FAM20C: variants seen among roughly 807,000 people sequenced by gnomAD.
FAM20C encodes extracellular serine/threonine protein kinase FAM20C.
In FAM20C, 40 loss-of-function variants were observed where a neutral mutation model predicts 51.5. The ratio of observed to expected loss-of-function variants is 0.78; its 90% confidence interval spans 0.60 to 1.01. FAM20C has a LOEUF of 1.01. Ranked by LOEUF, FAM20C falls within the 50% of genes least tolerant of loss-of-function variation. The pLI is 0.00. For synonymous variants in FAM20C, 406 were observed against 380.6 expected, an observed-to-expected ratio of 1.07 and a Z score of -0.78; for missense variants, 861 against 844.7, an observed-to-expected ratio of 1.02 and a Z score of -0.24.
At chr7:214,247 C>G (rs1356959725) in intron 3 of FAM20C, among the ~76,000 whole-genome samples, 1 of 152,102 alleles carries the variant, frequency 6.6e-6, no homozygotes, top group East Asian at 1.9e-4. Context: ...ATCGCTTGAA[C>G]CCGGGAGGCG....
chr7:251,974 C>T (rs576124842), intron 5 of FAM20C, among the ~76,000 whole-genome samples: 4 of 152,210 alleles, frequency 2.6e-5, no homozygotes, highest in Admixed American at 6.5e-5. Flanking sequence ...ACTCCAGCCG[C>T]GCTGCCCTGT....
At chr7:211,653 G>T (rs1312303926) in intron 3 of FAM20C, among the ~76,000 whole-genome samples, 1 of 152,152 alleles carries the variant, frequency 6.6e-6, no homozygotes, top group Non-Finnish European at 1.5e-5. Flanking sequence ...GCAGGGCTGT[G>T]CTGTCACCCG....
chr7:208,823 G>A, intron 2 of FAM20C, 75 bp from the exon 3 acceptor site: 1 of 1,462,240 alleles, frequency 6.8e-7, no homozygotes, highest in Non-Finnish European at 9.3e-7. Context: ...TTGCAGCCAA[G>A]AGCCCTCGTC....
chr7:253,091 G>A (rs942227443), intron 5 of FAM20C, among the ~76,000 whole-genome samples: 14 of 152,180 alleles, frequency 9.2e-5, no homozygotes, highest in Admixed American at 2.6e-4. Context: ...TGGGCAGGGC[G>A]GTCCTCAGGA....
rs1164723525 is a variant in FAM20C, at chr7:258,604, C to T, written c.1446-42C>T. On this transcript the variant is annotated intron_variant, in intron 8 of 9. Transcript: ENST00000313766. ...CCCAGCCCAGCAGCCTGTTAGGAAC[C>T]TTGTACAGGGGCCCTTGACAATTCT... 5.2e-6 allele frequency: 8 copies of T among 1,533,982 alleles called. No homozygotes were observed. In the East Asian group the frequency reaches 1.2e-4, roughly 23 times the overall value.
chr7:236,740 G>A (rs1296495875), intron 3 of FAM20C, among the ~76,000 whole-genome samples: 1 of 150,934 alleles, frequency 6.6e-6, no homozygotes, highest in African/African-American at 2.5e-5. Context: ...GGAATCTGGG[G>A]TCCCGGTGGC....
Position 257,051 on chromosome 7 carries a change from T to C in FAM20C, c.1410T>C (p.Asn470=), listed in dbSNP as rs948387893. The C allele has an allele frequency of 5.5e-5, 84 of 1,536,994 alleles. No homozygotes were observed. The highest frequency in any genetic ancestry group is 7.1e-5 in the Non-Finnish European group (81 of 1,146,896). The change falls in exon 8 of 10, where the codon AAT becomes AAC. Residue 470 remains asparagine (N), a synonymous_variant. Coordinates refer to ENST00000313766, the MANE Select transcript of FAM20C (RefSeq NM_020223.4). The stretch of plus-strand genomic sequence containing the variant: ...ACGAGACTTTTGAGAAGTTTGGGAA[T>C]GAAACGTTCATCATCCACTTAGACA... ...HHYETFEKFG[N]ETFIIHLDNG...
intron 5 of FAM20C, among the ~76,000 whole-genome samples, chr7:251,243 ACTGAGTGGCCGGGCACGGTGGCTCACACG>A (rs1788392780): frequency 1.6e-5 from 2 of 127,402 alleles, no homozygotes; most frequent in South Asian, 2.5e-4. Flanking sequence ...TCACGCCTGC[ACTGAGTGGCCGGGCACGGTGGCTCACACG>A]CCTGCAATCC....
chr7:207,120 C>T lies in FAM20C; in HGVS notation c.785-1778C>T, dbSNP rs1786448700. On this transcript the variant is annotated intron_variant, in intron 2 of 9. Coordinates refer to ENST00000313766, the MANE Select transcript of FAM20C (RefSeq NM_020223.4). ...TGTCCCCTCGGCCCCGCACACGTGT[C>T]CACTGTGACGCGTCGGTCACTGTCC... Among the ~76,000 whole-genome samples, 3 of 22,782 alleles carry T rather than the reference C, an allele frequency of 1.3e-4. 1 individual carries two copies. The highest frequency in any genetic ancestry group is 5.5e-4 in the African/African-American group (3 of 5,478). The allele number at this position is 22,782 out of a possible 152,430, so 14.9% of individuals were successfully genotyped here. A position where few individuals can be genotyped will look rare whatever the true frequency, so the allele number is the denominator to read the frequency against.
At chr7:222,585 C>G (rs1238950985) in intron 3 of FAM20C, among the ~76,000 whole-genome samples, 1 of 152,122 alleles carries the variant, frequency 6.6e-6, no homozygotes, top group African/African-American at 2.4e-5. Flanking sequence ...AGGATCCCAG[C>G]AAGAGGTGAA....
Position 193,793 on chromosome 7 carries a change from G to T in FAM20C, c.594G>T (p.Glu198Asp). 1 of 1,555,628 alleles carries T rather than the reference G, an allele frequency of 6.4e-7. No homozygotes were observed. The highest frequency in any genetic ancestry group is 1.4e-5 in the African/African-American group (1 of 73,440). The stretch of plus-strand genomic sequence containing the variant: ...CCAGGCTCAGCCCCAAAGCGGCGGA[G>T]AACCCGGACTGGTGAGTGGGGGCTG... ...SDTRLSPKAA[E>D]NPDWPHAGAE... Residue 198 changes from glutamate to aspartate, a missense_variant, in exon 1 of 10, where the codon GAG becomes GAT. Physicochemically the swap from Glu to Asp is conservative, Grantham distance 45. Coordinates refer to ENST00000313766, the MANE Select transcript of FAM20C (RefSeq NM_020223.4).
intron 5 of FAM20C, among the ~76,000 whole-genome samples, chr7:250,598 C>T (rs1214240637): frequency 3.3e-5 from 5 of 152,114 alleles, no homozygotes; most frequent in Non-Finnish European, 5.9e-5. Context: ...AACTCGCCTC[C>T]CCACCCTGGG....
At chr7:245,180 A>C (rs889831615) in intron 3 of FAM20C, among the ~76,000 whole-genome samples, 1 of 152,230 alleles carries the variant, frequency 6.6e-6, no homozygotes, top group Non-Finnish European at 1.5e-5. Context: ...GGGCTGGGAA[A>C]GTGACCGGGG....
At chr7:205,384 C>T (rs912607714) in intron 2 of FAM20C, among the ~76,000 whole-genome samples, 1 of 147,090 alleles carries the variant, frequency 6.8e-6, no homozygotes, top group Non-Finnish European at 1.5e-5. Flanking sequence ...GGACCACGGA[C>T]ACACACCACC....
intron 3 of FAM20C, among the ~76,000 whole-genome samples, chr7:237,540 C>T (rs1035560625): frequency 3.3e-5 from 5 of 151,172 alleles, no homozygotes; most frequent in East Asian, 2.0e-4. Context: ...AAAATGATGA[C>T]GGTTACGTTG....
In FAM20C at chr7:193,362, G is replaced by A. The variant is rs2115034738; in HGVS notation, c.163G>A (p.Val55Met). The A allele has an allele frequency of 1.6e-6, 2 of 1,268,048 alleles. No homozygotes were observed. The highest frequency in any genetic ancestry group is 2.7e-4 in the Middle Eastern group (1 of 3,666). 78.5% of individuals were successfully genotyped at this position (1,268,048 alleles called of 1,614,324 possible). The change falls in exon 1 of 10, where the codon GTG becomes ATG. Residue 55 changes from valine (V) to methionine (M), a missense_variant. Coordinates refer to ENST00000313766, the MANE Select transcript of FAM20C (RefSeq NM_020223.4). Reference sequence around the variant, plus strand: ...TTCGTGCGCGCAGCCCGCCGCCGAGGTGGCCGCGCCCGGCTGGGCCCAGGT... The same window carrying A: ...TTCGTGCGCGCAGCCCGCCGCCGAGATGGCCGCGCCCGGCTGGGCCCAGGT... ...GCSCAQPAAE[V>M]AAPGWAQVRG...
intron 3 of FAM20C, among the ~76,000 whole-genome samples, chr7:237,444 C>T (rs1173760509): frequency 1.3e-5 from 2 of 151,938 alleles, no homozygotes; most frequent in East Asian, 1.9e-4. Flanking sequence ...ATGGTGATGA[C>T]GGTGATGACG....
At chr7:233,683 G>A (rs1347211603) in intron 3 of FAM20C, among the ~76,000 whole-genome samples, 2 of 152,162 alleles carry the variant, frequency 1.3e-5, no homozygotes, top group African/African-American at 2.4e-5. Context: ...TTGCAGGGAC[G>A]CTGTGGTCTC....
At chr7:214,924 G>A (rs916055484) in intron 3 of FAM20C, among the ~76,000 whole-genome samples, 4 of 152,250 alleles carry the variant, frequency 2.6e-5, no homozygotes, top group African/African-American at 9.6e-5. Flanking sequence ...CAAACTCGGA[G>A]TGCCGGGCCT....
Sources: allele counts gnomAD v4.1 joint callset (sites outside exome capture counted in the v4.1 genomes callset), GRCh38; gene constraint gnomAD v4.1.1; transcripts MANE v1.5; gene names NCBI Gene and HGNC (gene_info 2026-07-23, HGNC 2026-07-21).